Variants in SLC24A2 observed in about 807,000 individuals in gnomAD.
The protein encoded by SLC24A2 is sodium/potassium/calcium exchanger 2.
A neutral mutation model predicts 62.0 loss-of-function variants in SLC24A2; 36 were observed. The ratio of observed to expected loss-of-function variants is 0.58; its 90% CI spans 0.44 to 0.77. SLC24A2 has a LOEUF of 0.77. Among genes scored for constraint, SLC24A2 ranks in the 30% least tolerant of loss-of-function variants. The pLI, the probability that SLC24A2 is intolerant of heterozygous loss-of-function variation, is 0.00. For missense variants in SLC24A2, 846 were observed against 817.9 expected (o/e 1.03, Z -0.42); for synonymous variants, 358 against 294.0 (o/e 1.22, Z -2.23).
chr9:20,254,026 G>A, the SLC24A2 span, among the ~76,000 whole-genome samples: 1 of 152,192 alleles, frequency 6.6e-6, no homozygotes, highest in African/African-American at 2.4e-5. Flanking sequence ...GAGAGACAAA[G>A]ACAGGCAGGG....
At chr9:20,198,107 C>T in the SLC24A2 span, among the ~76,000 whole-genome samples, 8 of 152,168 alleles carry the variant, frequency 5.3e-5, no homozygotes. Context: ...AGGCTCCACA[C>T]CAGATGTGAT....
the SLC24A2 span, among the ~76,000 whole-genome samples, chr9:20,252,326 A>G: frequency 1.4e-3 from 218 of 152,196 alleles, no homozygotes; most frequent in Non-Finnish European, 2.6e-3. Context: ...AACTTCCCCA[A>G]TGATATTTCA....
At chr9:20,140,496 A>C in the SLC24A2 span, among the ~76,000 whole-genome samples, 1 of 152,222 alleles carries the variant, frequency 6.6e-6, no homozygotes, top group Non-Finnish European at 1.5e-5. Flanking sequence ...CAGACTGGAA[A>C]GCATAGACCA....
At chr9:20,238,727 A>G in the SLC24A2 span, among the ~76,000 whole-genome samples, 2 of 152,228 alleles carry the variant, frequency 1.3e-5, no homozygotes, top group African/African-American at 2.4e-5. Flanking sequence ...TCTGTTGTCA[A>G]TCAAATGTTT....
chr9:19,664,707 G>C (rs897906966), intron 2 of SLC24A2, among the ~76,000 whole-genome samples: 1 of 152,178 alleles, frequency 6.6e-6, no homozygotes, highest in African/African-American at 2.4e-5. Context: ...AGGAGAGTGA[G>C]AAGAGAGATT....
At chr9:19,908,316 C>T in the SLC24A2 span, among the ~76,000 whole-genome samples, 55 of 152,126 alleles carry the variant, frequency 3.6e-4, 1 homozygote, top group Admixed American at 2.3e-3. Flanking sequence ...CTTCCTTACA[C>T]CTTATACAAA....
chr9:19,870,956 G>A, the SLC24A2 span, among the ~76,000 whole-genome samples: 1 of 151,930 alleles, frequency 6.6e-6, no homozygotes, highest in Admixed American at 6.5e-5. Flanking sequence ...CATCCTCTGG[G>A]TTGTCTTTTG....
chr9:19,916,056 C>T, the SLC24A2 span, among the ~76,000 whole-genome samples: 1 of 151,934 alleles, frequency 6.6e-6, no homozygotes. Flanking sequence ...TTTTGGTAAG[C>T]CTTAGATCCG....
At chr9:19,714,285 C>T (rs1476708948) in intron 2 of SLC24A2, among the ~76,000 whole-genome samples, 1 of 152,036 alleles carries the variant, frequency 6.6e-6, no homozygotes, top group Non-Finnish European at 1.5e-5. Context: ...CAAAGGTGGC[C>T]CTACAAGTTG....
the SLC24A2 span, among the ~76,000 whole-genome samples, chr9:19,822,022 C>T: frequency 1.3e-4 from 20 of 152,224 alleles, no homozygotes; most frequent in African/African-American, 4.6e-4. Context: ...TGGTATGAGG[C>T]ATCATCTATA....
the SLC24A2 span, among the ~76,000 whole-genome samples, chr9:20,031,983 G>T: frequency 6.6e-6 from 1 of 152,196 alleles, no homozygotes; most frequent in South Asian, 2.1e-4. Context: ...AGTTGAGAGG[G>T]ACACAATTCA....
the SLC24A2 span, among the ~76,000 whole-genome samples, chr9:20,225,574 A>ATTATATATATATAATATATATATAAT: frequency 1.1e-5 from 1 of 90,886 alleles, no homozygotes; most frequent in Non-Finnish European, 1.9e-5. Flanking sequence ...ATATATATAT[A>ATTATATATATATAATATATATATAAT]ATTTCATTTA....
In SLC24A2 at chr9:19,669,462, C is replaced by T. The variant is rs1048666763; in HGVS notation, c.931-47163G>A. Among the ~76,000 whole-genome samples the T allele has an allele frequency of 7.9e-5, 12 of 152,316 alleles. 1 individual carries two copies. Among genetic ancestry groups the T allele is most frequent in the Non-Finnish European group, 1.5e-4 (10 of 68,028 alleles). ...TATTAGCTTTTTAAAATTGCTACCA[C>T]AATAAATAACCACAAACTTAGAGAC... On this transcript the variant is annotated intron_variant, in intron 2 of 10. Coordinates refer to ENST00000341998, the MANE Select transcript of SLC24A2 (RefSeq NM_020344.4).
the SLC24A2 span, among the ~76,000 whole-genome samples, chr9:19,932,443 C>A: frequency 1.3e-5 from 2 of 152,162 alleles, no homozygotes; most frequent in South Asian, 4.2e-4. Context: ...ATTTTAGGGG[C>A]CTGCTAATGA....
the SLC24A2 span, among the ~76,000 whole-genome samples, chr9:20,263,214 C>A: frequency 2.0e-5 from 3 of 152,088 alleles, no homozygotes; most frequent in Non-Finnish European, 4.4e-5. Flanking sequence ...TTAACCAAGA[C>A]CTGGATGGAG....
chr9:20,306,283 TTC>T, the SLC24A2 span, among the ~76,000 whole-genome samples: 1 of 152,320 alleles, frequency 6.6e-6, no homozygotes, highest in East Asian at 1.9e-4. Flanking sequence ...AATTGGCAAC[TTC>T]TGTTTACAAT....
At chr9:20,087,315 A>C in the SLC24A2 span, among the ~76,000 whole-genome samples, 1 of 152,238 alleles carries the variant, frequency 6.6e-6, no homozygotes, top group Non-Finnish European at 1.5e-5. Flanking sequence ...TACAGCTAAA[A>C]CAAGAATGGA....
chr9:19,844,267 C>T, the SLC24A2 span, among the ~76,000 whole-genome samples: 124,751 of 152,134 alleles, frequency 0.82, 52,837 homozygotes, highest in Non-Finnish European at 0.94. Flanking sequence ...CTCTAGTGAT[C>T]AATGACGTTG....
At chr9:19,741,264 T>C (rs1009109542) in intron 2 of SLC24A2, among the ~76,000 whole-genome samples, 13 of 152,164 alleles carry the variant, frequency 8.5e-5, no homozygotes, top group African/African-American at 2.7e-4. Context: ...ATTTGCCAGT[T>C]GGCTTTCCGG....
Sources: allele counts gnomAD v4.1 joint callset (sites outside exome capture counted in the v4.1 genomes callset), GRCh38; gene constraint gnomAD v4.1.1; transcripts MANE v1.5; gene names NCBI Gene and HGNC (gene_info 2026-07-23, HGNC 2026-07-21).